EPHX2: variants seen among roughly 807,000 people sequenced by gnomAD.
EPHX2 encodes bifunctional epoxide hydrolase 2.
EPHX2 carries 74 observed loss-of-function variants against 78.7 expected under a neutral mutation model. That is an observed-to-expected ratio of 0.94 (90% CI 0.78 to 1.14). The LOEUF is 1.14. Among genes scored for constraint, EPHX2 ranks in the 50% most tolerant of loss-of-function variants. The pLI is 0.00. For missense variants in EPHX2, 715 were observed against 702.5 expected (o/e 1.02, Z -0.20); for synonymous variants, 251 against 255.2 (o/e 0.98, Z 0.16).
At chr8:27,538,916 G>A (rs1815300911) in intron 14 of EPHX2, 1 of 571,352 alleles carries the variant, frequency 1.8e-6, no homozygotes, top group South Asian at 2.1e-5. Flanking sequence ...AAGATCTTAA[G>A]CAGTAAGAGC....
chr8:27,494,482 C>T (rs1202025454), intron 1 of EPHX2, among the ~76,000 whole-genome samples: 2 of 152,230 alleles, frequency 1.3e-5, no homozygotes, highest in Non-Finnish European at 2.9e-5. Flanking sequence ...ACTTTAACCA[C>T]TTCTTGAGCC....
At chr8:27,499,771 G>A (rs1348974565) in intron 1 of EPHX2, among the ~76,000 whole-genome samples, 1 of 152,232 alleles carries the variant, frequency 6.6e-6, no homozygotes, top group Non-Finnish European at 1.5e-5. Flanking sequence ...CTGGAGGCTG[G>A]AAGTCCAAGA....
At chr8:27,526,477 A>G (rs1469502473) in intron 12 of EPHX2, among the ~76,000 whole-genome samples, 2 of 152,096 alleles carry the variant, frequency 1.3e-5, no homozygotes, top group Non-Finnish European at 1.5e-5. Context: ...ATGAAAGCAC[A>G]ATGTCCTTCA....
At chr8:27,535,009 C>T (rs1231116024) in intron 12 of EPHX2, among the ~76,000 whole-genome samples, 2 of 152,090 alleles carry the variant, frequency 1.3e-5, no homozygotes, top group African/African-American at 2.4e-5. Flanking sequence ...GTAGGAGGCC[C>T]GCTCAGAAAA....
intron 12 of EPHX2, among the ~76,000 whole-genome samples, chr8:27,535,564 C>T (rs1008592562): frequency 7.2e-5 from 11 of 152,174 alleles, no homozygotes; most frequent in Admixed American, 2.6e-4. Context: ...GAACAGCTTT[C>T]GGGTCCACCA....
rs781189231 is a variant in EPHX2 at position 27,536,766 on chromosome 8, C to T, written c.1171-18C>T. On this transcript the variant is annotated intron_variant, in intron 12 of 18. Coordinates refer to ENST00000521400, the MANE Select transcript of EPHX2 (RefSeq NM_001979.6). ...GATTTCTAGGGGGTCCTTCATTTTG[C>T]TTTCTTGATTGTTTTAGGGAGTGGC... is the stretch of plus-strand genomic sequence containing the variant. The T allele has an allele frequency of 1.2e-6, 2 of 1,612,590 alleles. No homozygotes were observed. Among genetic ancestry groups the T allele is most frequent in the Admixed American group, 1.7e-5 (1 of 59,822 alleles).
intron 1 of EPHX2, among the ~76,000 whole-genome samples, chr8:27,495,749 C>T (rs1283559875): frequency 1.3e-5 from 2 of 152,212 alleles, no homozygotes; most frequent in African/African-American, 4.8e-5. Context: ...ACATCAGTTT[C>T]CTTACTTAGG....
At chr8:27,545,792 C>T (rs186052197), downstream of EPHX2, among the ~76,000 whole-genome samples, 83 of 152,194 alleles carry the variant, frequency 5.5e-4, 1 homozygote, top group Non-Finnish European at 5.9e-5. Flanking sequence ...GGCATGATGA[C>T]GGGCATGAGT....
At chr8:27,503,232 G>T (rs1467681502) in intron 2 of EPHX2, among the ~76,000 whole-genome samples, 5 of 152,168 alleles carry the variant, frequency 3.3e-5, no homozygotes, top group Admixed American at 3.3e-4. Context: ...CCAGCCTTCA[G>T]CACTGTAAGA....
intron 12 of EPHX2, among the ~76,000 whole-genome samples, chr8:27,533,733 A>C (rs898617114): frequency 1.3e-5 from 2 of 151,994 alleles, no homozygotes; most frequent in Admixed American, 1.3e-4. Flanking sequence ...GACCACAGGC[A>C]TGCACCACCA....
At position 27,491,325 on chromosome 8, in the gene EPHX2, G is replaced by T; in HGVS notation, c.101+16G>T. On this transcript the variant is annotated intron_variant, in intron 1 of 18. Transcript: ENST00000521400. ...CGCTGCCCAGGTAAGGGGGCCCAGC[G>T]CCGCCGCCGCAGTGGGTCGGGGCCT... 2 of 1,462,298 alleles carry T rather than the reference G, an allele frequency of 1.4e-6. No homozygotes were observed. The highest frequency in any genetic ancestry group is 1.4e-5 in the South Asian group (1 of 73,142). 90.6% of individuals were successfully genotyped at this position (1,462,298 alleles called of 1,614,324 possible).
chr8:27,539,986 G>T (rs1386184785), intron 14 of EPHX2, among the ~76,000 whole-genome samples: 1 of 152,170 alleles, frequency 6.6e-6, no homozygotes. Flanking sequence ...GTCATCACAG[G>T]CCATCCTCTG....
chr8:27,506,571 A>G (rs542032853), intron 4 of EPHX2, among the ~76,000 whole-genome samples: 6 of 152,144 alleles, frequency 3.9e-5, no homozygotes, highest in African/African-American at 1.4e-4. Context: ...TCTTTTCCAG[A>G]TACATTTTTT....
chr8:27,516,493 A>G, intron 8 of EPHX2, 95 bp downstream of exon 8: 6 of 1,163,422 alleles, frequency 5.2e-6, no homozygotes, highest in Non-Finnish European at 7.7e-6. Context: ...CCCAGATCAG[A>G]GTAGCCTTCC....
chr8:27,502,418 CT>C (rs1813834760), intron 2 of EPHX2, among the ~76,000 whole-genome samples: 1 of 152,172 alleles, frequency 6.6e-6, no homozygotes, highest in African/African-American at 2.4e-5. Context: ...ACAATCCATT[CT>C]GCTATTAGTG....
intron 2 of EPHX2, 29 bp downstream of exon 2, chr8:27,501,039 T>C (rs1319861746): frequency 6.3e-7 from 1 of 1,595,912 alleles, no homozygotes; most frequent in Non-Finnish European, 8.6e-7. Context: ...ACAGAGCCCT[T>C]TGGATGAACG....
At chr8:27,499,299 G>A (rs62504271) in intron 1 of EPHX2, among the ~76,000 whole-genome samples, 2 of 152,014 alleles carry the variant, frequency 1.3e-5, no homozygotes, top group Non-Finnish European at 2.9e-5. Context: ...GGAGACAAAC[G>A]TTCAAACCAT....
intron 1 of EPHX2, among the ~76,000 whole-genome samples, chr8:27,495,404 G>A (rs984863996): frequency 6.6e-6 from 1 of 152,144 alleles, no homozygotes; most frequent in Non-Finnish European, 1.5e-5. Context: ...AACTTCCATT[G>A]GTATATAGGT....
chr8:27,514,400 A>G (rs1471171096), intron 6 of EPHX2, among the ~76,000 whole-genome samples: 1 of 152,186 alleles, frequency 6.6e-6, no homozygotes, highest in Non-Finnish European at 1.5e-5. Context: ...GAATTTCTAT[A>G]ATGTGACTCT....
Sources: allele counts gnomAD v4.1 joint callset (sites outside exome capture counted in the v4.1 genomes callset), GRCh38; gene constraint gnomAD v4.1.1; transcripts MANE v1.5; gene names NCBI Gene and HGNC (gene_info 2026-07-23, HGNC 2026-07-21).